KCNQ3: variants seen among roughly 807,000 people sequenced by gnomAD.
The protein encoded by KCNQ3 is potassium voltage-gated channel subfamily Q member 3, also known as potassium voltage-gated channel subfamily KQT member 3.
In KCNQ3, 30 loss-of-function variants were observed where a neutral mutation model predicts 92.5. The ratio of observed to expected loss-of-function variants is 0.32; its 90% CI spans 0.24 to 0.44. The LOEUF is 0.44. Among genes scored for constraint, KCNQ3 ranks in the 20% least tolerant of loss-of-function variants. The pLI is 1.00. For missense variants in KCNQ3, 913 were observed against 1,140.3 expected, an observed-to-expected ratio of 0.80 and a Z score of 2.87; for synonymous variants, 450 against 468.8, an observed-to-expected ratio of 0.96 and a Z score of 0.52.
intron 1 of KCNQ3, among the ~76,000 whole-genome samples, chr8:132,346,019 G>C (rs1818678878): frequency 6.6e-6 from 1 of 151,872 alleles, no homozygotes; most frequent in African/African-American, 2.4e-5. Flanking sequence ...GATGATGATG[G>C]TGATGATGAT....
chr8:132,424,025 T>A, intron 1 of KCNQ3, among the ~76,000 whole-genome samples: 1 of 152,198 alleles, frequency 6.6e-6, no homozygotes, highest in Admixed American at 6.5e-5. Flanking sequence ...AACTTGCAGC[T>A]GAATGATCTC....
intron 9 of KCNQ3, among the ~76,000 whole-genome samples, chr8:132,147,515 A>C (rs1423982051): frequency 6.6e-6 from 1 of 152,146 alleles, no homozygotes; most frequent in Non-Finnish European, 1.5e-5. Context: ...AGACTCTATA[A>C]TGGTTTCTGG....
chr8:132,258,355 T>C (rs1379180401), intron 1 of KCNQ3, among the ~76,000 whole-genome samples: 1 of 152,148 alleles, frequency 6.6e-6, no homozygotes, highest in Non-Finnish European at 1.5e-5. Context: ...AAAATTAGAA[T>C]TTTGAGAAAT....
chr8:132,337,964 C>A (rs1165727671), intron 1 of KCNQ3, among the ~76,000 whole-genome samples: 2 of 152,110 alleles, frequency 1.3e-5, no homozygotes, highest in Non-Finnish European at 2.9e-5. Flanking sequence ...CAAATCAATT[C>A]AACATAGTAA....
At chr8:132,234,857 C>T (rs575420489) in intron 1 of KCNQ3, among the ~76,000 whole-genome samples, 41 of 152,294 alleles carry the variant, frequency 2.7e-4, no homozygotes, top group South Asian at 2.1e-3. Context: ...CACGGCTGCC[C>T]TGGCCCAGCC....
intron 3 of KCNQ3, among the ~76,000 whole-genome samples, chr8:132,182,477 T>A (rs939618183): frequency 1.3e-5 from 2 of 152,258 alleles, no homozygotes; most frequent in Non-Finnish European, 2.9e-5. Context: ...CGTGTGATGC[T>A]GAGGCCCAGC....
intron 1 of KCNQ3, among the ~76,000 whole-genome samples, chr8:132,355,749 C>T (rs1265086896): frequency 1.3e-5 from 2 of 152,070 alleles, no homozygotes; most frequent in African/African-American, 2.4e-5. Flanking sequence ...TCATATAGTC[C>T]CCTTTGTGCC....
intron 2 of KCNQ3, among the ~76,000 whole-genome samples, chr8:132,185,396 C>G (rs1826928834): frequency 6.6e-6 from 1 of 152,238 alleles, no homozygotes; most frequent in Admixed American, 6.5e-5. Flanking sequence ...GGCCAGTTGA[C>G]CAGTGCTGTC....
intron 1 of KCNQ3, among the ~76,000 whole-genome samples, chr8:132,372,759 C>CAAAAAAAAAAAAAAAAA (rs749955464): frequency 1.5e-5 from 1 of 67,746 alleles, no homozygotes; most frequent in Non-Finnish European, 2.7e-5. Context: ...GACTTTGTCT[C>CAAAAAAAAAAAAAAAAA]AAAAAAAAAA....
At chr8:132,457,887 C>A (rs1416541074) in intron 1 of KCNQ3, among the ~76,000 whole-genome samples, 2 of 152,154 alleles carry the variant, frequency 1.3e-5, no homozygotes, top group Admixed American at 6.5e-5. Context: ...GGAGGTGGCA[C>A]AGGTGGCAAA....
At chr8:132,135,270 C>A (rs1274867461) in intron 12 of KCNQ3, among the ~76,000 whole-genome samples, 2 of 152,090 alleles carry the variant, frequency 1.3e-5, no homozygotes, top group Non-Finnish European at 2.9e-5. Flanking sequence ...TTTATGGCTG[C>A]GTATTACTCT....
intron 1 of KCNQ3, among the ~76,000 whole-genome samples, chr8:132,227,814 C>T (rs928531269): frequency 3.9e-5 from 6 of 152,260 alleles, no homozygotes; most frequent in African/African-American, 1.4e-4. Context: ...AACCAAATGG[C>T]AATTAGAACC....
intron 1 of KCNQ3, among the ~76,000 whole-genome samples, chr8:132,472,051 C>T (rs1822309037): frequency 6.6e-6 from 1 of 151,996 alleles, no homozygotes; most frequent in Admixed American, 6.5e-5. Context: ...AAATCAAAAC[C>T]ACAATGAGAT....
intron 1 of KCNQ3, among the ~76,000 whole-genome samples, chr8:132,191,098 C>T (rs950155740): frequency 3.3e-5 from 5 of 152,142 alleles, no homozygotes; most frequent in African/African-American, 4.8e-5. Flanking sequence ...GCTGGGAGCA[C>T]GACATGAAAG....
Position 132,132,236 on chromosome 8 carries a change from T to C in KCNQ3, c.1828A>G (p.Thr610Ala). 1 of 1,613,678 alleles carries C rather than the reference T, an allele frequency of 6.2e-7. No individual in the cohort carries two copies. Among genetic ancestry groups the C allele is most frequent in the Non-Finnish European group, 8.5e-7 (1 of 1,179,516 alleles). Reference sequence around the variant, plus strand: ...ATGCTTTGGTCTTCGATTTCTGATGTGGATGGTCTGGCTACATATGGTTCA... The same window carrying C: ...ATGCTTTGGTCTTCGATTTCTGATGCGGATGGTCTGGCTACATATGGTTCA... Reference protein sequence around the residue: ...RNEPYVARPSTSEIEDQSMMG... With the variant: ...RNEPYVARPSASEIEDQSMMG... Residue 610 changes from threonine to alanine, a missense_variant, in exon 14 of 15, where the codon ACA (threonine) becomes GCA (alanine). Physicochemically the swap from Thr to Ala is moderately conservative, Grantham distance 58. Coordinates refer to ENST00000388996, the MANE Select transcript of KCNQ3 (RefSeq NM_004519.4).
intron 1 of KCNQ3, among the ~76,000 whole-genome samples, chr8:132,400,566 G>A (rs1037712879): frequency 5.9e-5 from 9 of 152,156 alleles, no homozygotes; most frequent in Non-Finnish European, 8.8e-5. Context: ...CACACACAAC[G>A]ACCCCCACAC....
intron 1 of KCNQ3, among the ~76,000 whole-genome samples, chr8:132,236,745 C>G (rs933467541): frequency 6.6e-6 from 1 of 152,184 alleles, no homozygotes; most frequent in African/African-American, 2.4e-5. Flanking sequence ...GTGGGTCTGA[C>G]TTTATCACAA....
At chr8:132,272,535 T>C (rs775041712) in intron 1 of KCNQ3, among the ~76,000 whole-genome samples, 3 of 151,536 alleles carry the variant, frequency 2.0e-5, no homozygotes, top group Non-Finnish European at 2.9e-5. Context: ...GAAAAAGAGG[T>C]TTAATGGACT....
chr8:132,221,338 G>A (rs573014285), intron 1 of KCNQ3, among the ~76,000 whole-genome samples: 4 of 152,264 alleles, frequency 2.6e-5, no homozygotes, highest in African/African-American at 9.6e-5. Context: ...CCCAGTAATG[G>A]GAGCACTGGG....
Sources: allele counts gnomAD v4.1 joint callset (sites outside exome capture counted in the v4.1 genomes callset), GRCh38; gene constraint gnomAD v4.1.1; transcripts MANE v1.5; gene names NCBI Gene and HGNC (gene_info 2026-07-23, HGNC 2026-07-21).